Variants in NRP1 observed in about 807,000 individuals in gnomAD.
NRP1 encodes the protein neuropilin-1.
Under a neutral mutation model 106.7 loss-of-function variants are expected in NRP1, and 35 were observed. The ratio of observed to expected loss-of-function variants is 0.33; its 90% confidence interval spans 0.25 to 0.43. The LOEUF (loss-of-function observed/expected upper bound fraction) is 0.43, where lower values mean the gene tolerates loss of function less well. Among genes scored for constraint, NRP1 ranks in the 20% least tolerant of loss-of-function variants. The pLI is 1.00. For synonymous variants in NRP1, 437 were observed against 417.9 expected (o/e 1.05, Z -0.56); for missense variants, 1,024 against 1,170.4 (o/e 0.87, Z 1.83).
At chr10:33,224,854 A>G (rs1839537702) in intron 7 of NRP1, among the ~76,000 whole-genome samples, 1 of 152,144 alleles carries the variant, frequency 6.6e-6, no homozygotes, top group South Asian at 2.1e-4. Flanking sequence ...CGCTTATTTT[A>G]AAAAGAAATG....
At position 33,213,490 on chromosome 10, in the gene NRP1, TC is replaced by T. The variant is rs1838491146; in HGVS notation, c.1509del (p.Lys504SerfsTer9). The part of the protein sequence containing the change: ...KIVRGIIIQG[G>X]KHRENKVFMR... ...ATGAACACCTTGTTCTCTCGGTGCTTCCCACCCTGAATGATGATGCCCCTCA... is the reference window on the plus strand; with the variant it reads ...ATGAACACCTTGTTCTCTCGGTGCTTCCACCCTGAATGATGATGCCCCTCA... On this transcript the variant is annotated frameshift_variant, in exon 9 of 17. Coordinates refer to ENST00000374867, the MANE Select transcript of NRP1 (RefSeq NM_003873.7). LOFTEE classifies it high-confidence loss of function. 1.2e-6 allele frequency: 2 copies of T among 1,613,838 alleles called. No individual in the cohort carries two copies.
rs1491450841 is a variant in NRP1, at chr10:33,306,356, G to GTA, written c.248+24351_248+24352insTA. On this transcript the variant is annotated intron_variant, in intron 2 of 16. Coordinates refer to ENST00000374867, the MANE Select transcript of NRP1 (RefSeq NM_003873.7). ...CTTTTGCATTCTGCGGGTCAGAAGG[G>GTA]TGTGTGTGTGTGTGTGTGTGTGTGT... Among the ~76,000 whole-genome samples the GTA allele has an allele frequency of 8.5e-3, 33 of 3,904 alleles. 1 individual carries two copies. In the Admixed American group the frequency reaches 0.11, roughly 14 times the overall value. The allele number at this position is 3,904 out of a possible 152,430, so 2.6% of individuals were successfully genotyped here. A position where few individuals can be genotyped will look rare whatever the true frequency, so the allele number is the denominator to read the frequency against.
chr10:33,269,015 C>T (rs555525567), intron 3 of NRP1, among the ~76,000 whole-genome samples: 1 of 152,160 alleles, frequency 6.6e-6, no homozygotes, highest in East Asian at 1.9e-4. Context: ...ACATTTTTCT[C>T]AGTTATCATG....
intron 13 of NRP1, among the ~76,000 whole-genome samples, chr10:33,191,373 G>C (rs377190820): frequency 6.6e-6 from 1 of 152,142 alleles, no homozygotes; most frequent in African/African-American, 2.4e-5. Context: ...CTGCTCAAAG[G>C]AAATACACTA....
intron 11 of NRP1, among the ~76,000 whole-genome samples, chr10:33,200,039 A>G (rs138960241): frequency 4.8e-4 from 73 of 152,336 alleles, no homozygotes; most frequent in African/African-American, 1.7e-3. Context: ...CATGGCCTCA[A>G]TAAGGCAGGC....
intron 2 of NRP1, among the ~76,000 whole-genome samples, chr10:33,312,119 T>A (rs1316099241): frequency 6.6e-6 from 1 of 152,166 alleles, no homozygotes; most frequent in African/African-American, 2.4e-5. Flanking sequence ...TCATTTTAGG[T>A]CCTGTTTACA....
Position 33,198,151 on chromosome 10 carries a change from T to TTA in NRP1, c.1865-443_1865-442insTA, listed in dbSNP as rs1238155920. On this transcript the variant is annotated intron_variant, in intron 11 of 16. Coordinates refer to ENST00000374867, the MANE Select transcript of NRP1 (RefSeq NM_003873.7). ...TTTTTTTTAAATTTTTAAATTTTTTTTTTTTTTTGAGATGGAGTCTCACTC... is the reference window on the plus strand; with the variant it reads ...TTTTTTTTAAATTTTTAAATTTTTTTTATTTTTTTTGAGATGGAGTCTCACTC... Among the ~76,000 whole-genome samples the TTA allele has an allele frequency of 7.0e-4, 105 of 150,240 alleles. No individual in the cohort carries two copies. In the Middle Eastern group the frequency reaches 0.014, roughly 19 times the overall value.
At chr10:33,226,337 G>A in intron 6 of NRP1, 48 bp from the exon 7 acceptor site, 1 of 1,596,416 alleles carries the variant, frequency 6.3e-7, no homozygotes, top group East Asian at 2.2e-5. Flanking sequence ...CTGCAGCACA[G>A]TAACCCAAAG....
At chr10:33,250,710 C>T (rs546075926) in intron 6 of NRP1, among the ~76,000 whole-genome samples, 7 of 152,188 alleles carry the variant, frequency 4.6e-5, no homozygotes, top group Admixed American at 1.3e-4. Flanking sequence ...CTTCAGCAAT[C>T]TCGTTTTTAA....
At chr10:33,213,313 G>A (rs1838465493) in intron 9 of NRP1, 73 bp downstream of exon 9, 9 of 1,613,944 alleles carry the variant, frequency 5.6e-6, no homozygotes, top group Middle Eastern at 3.3e-4. Context: ...GCCCTTCCTC[G>A]GGAGAATGCC....
chr10:33,285,988 G>A (rs149700335), intron 2 of NRP1, among the ~76,000 whole-genome samples: 7 of 152,214 alleles, frequency 4.6e-5, no homozygotes, highest in East Asian at 1.9e-4. Flanking sequence ...AATCTGTTCC[G>A]TCAACTATTG....
rs996924668 is a variant in NRP1, at chr10:33,220,614, G to A, written c.1282+1105C>T. ...AGTCATGCAAGAAAACAAATGGACAGGCTGGGCGCGGTGGCTCACGCCTGT... is the reference window on the plus strand; with the variant it reads ...AGTCATGCAAGAAAACAAATGGACAAGCTGGGCGCGGTGGCTCACGCCTGT... On this transcript the variant is annotated intron_variant, in intron 8 of 16. Transcript: ENST00000374867. Among the ~76,000 whole-genome samples, 7 of 152,314 alleles carry A rather than the reference G, an allele frequency of 4.6e-5. No individual in the cohort carries two copies. The East Asian group carries it at 1.4e-3, about 29-fold the overall frequency.
At chr10:33,333,830 G>A (rs1184062688) in intron 1 of NRP1, among the ~76,000 whole-genome samples, 1 of 152,138 alleles carries the variant, frequency 6.6e-6, no homozygotes, top group African/African-American at 2.4e-5. Flanking sequence ...GTACAAAGGC[G>A]GGGGAGGGAG....
chr10:33,241,170 G>C (rs977407392), intron 6 of NRP1, among the ~76,000 whole-genome samples: 6 of 152,286 alleles, frequency 3.9e-5, no homozygotes, highest in South Asian at 2.1e-4. Flanking sequence ...CATGTGTGGA[G>C]GTAGAAAATG....
At chr10:33,308,699 G>A (rs534149464) in intron 2 of NRP1, among the ~76,000 whole-genome samples, 18 of 152,108 alleles carry the variant, frequency 1.2e-4, no homozygotes, top group African/African-American at 4.3e-4. Flanking sequence ...ATGTTGGCCT[G>A]GCTGGTCTTG....
At chr10:33,228,096 A>C (rs1206709045) in intron 6 of NRP1, among the ~76,000 whole-genome samples, 1 of 152,132 alleles carries the variant, frequency 6.6e-6, no homozygotes, top group African/African-American at 2.4e-5. Context: ...ATTCCTATAA[A>C]ATTATTTGCT....
At chr10:33,206,489 T>C (rs1041856504) in intron 10 of NRP1, 10 of 314,984 alleles carry the variant, frequency 3.2e-5, no homozygotes, top group African/African-American at 2.2e-4. Context: ...TGGTGATTGA[T>C]AGCTCAAGAT....
intron 2 of NRP1, among the ~76,000 whole-genome samples, chr10:33,309,742 T>G (rs1846435588): frequency 6.6e-6 from 1 of 152,226 alleles, no homozygotes; most frequent in Non-Finnish European, 1.5e-5. Context: ...GGGCTTTTTC[T>G]CGAGACATTT....
chr10:33,273,705 CT>C (rs370715440), intron 2 of NRP1, among the ~76,000 whole-genome samples: 179 of 152,318 alleles, frequency 1.2e-3, no homozygotes, highest in African/African-American at 3.9e-3. Context: ...GTTCCAGCCG[CT>C]GGATGAGAGC....
Sources: gnomAD v4.1 joint callset for allele counts (sites outside exome capture counted in the v4.1 genomes callset) on GRCh38, gnomAD v4.1.1 for gene constraint, MANE v1.5 for transcripts, NCBI Gene and HGNC (gene_info 2026-07-23, HGNC 2026-07-21) for gene names.